Variants in LRIF1 observed in about 807,000 individuals in gnomAD.
The protein encoded by LRIF1 is ligand dependent nuclear receptor interacting factor 1.
Under a neutral mutation model 52.7 loss-of-function variants are expected in LRIF1, and 32 were observed. That is an observed-to-expected ratio of 0.61 (90% CI 0.46 to 0.82). The LOEUF (loss-of-function observed/expected upper bound fraction) is 0.82. Among genes scored for constraint, LRIF1 ranks in the 40% least tolerant of loss-of-function variants. LRIF1 has a pLI of 0.00. For missense variants in LRIF1, 887 were observed against 892.0 expected (o/e 0.99, Z 0.07); for synonymous variants, 323 against 317.4 (o/e 1.02, Z -0.19).
chr1:110,927,133 G>C, the LRIF1 span, among the ~76,000 whole-genome samples: 1 of 152,164 alleles, frequency 6.6e-6, no homozygotes, highest in Admixed American at 6.5e-5. Context: ...GTCTTTGTTT[G>C]AAAGGCGAAA....
the LRIF1 span, among the ~76,000 whole-genome samples, chr1:110,900,563 C>G: frequency 6.6e-6 from 1 of 152,004 alleles, no homozygotes; most frequent in Admixed American, 6.6e-5. Context: ...GATGGGGTTT[C>G]ACCATGTTGG....
At chr1:110,914,791 A>G in the LRIF1 span, among the ~76,000 whole-genome samples, 697 of 152,232 alleles carry the variant, frequency 4.6e-3, 10 homozygotes, top group African/African-American at 0.016. Context: ...TAATTAAAAG[A>G]TCAGATATAT....
chr1:110,887,135 C>T, the LRIF1 span, among the ~76,000 whole-genome samples: 1 of 152,018 alleles, frequency 6.6e-6, no homozygotes, highest in East Asian at 1.9e-4. Flanking sequence ...GCGATCTCGG[C>T]TCACTCCAAG....
At chr1:110,948,549 T>C in intron 3 of LRIF1, 150 bp from the exon 4 acceptor site, 1 of 1,223,220 alleles carries the variant, frequency 8.2e-7, no homozygotes, top group East Asian at 2.6e-5. Context: ...AAGAGGGAAA[T>C]ATTTCCCACT....
At chr1:110,879,174 T>C in the LRIF1 span, among the ~76,000 whole-genome samples, 1 of 152,168 alleles carries the variant, frequency 6.6e-6, no homozygotes, top group African/African-American at 2.4e-5. Flanking sequence ...GACTGGTAGG[T>C]AAGGTCTGAA....
At chr1:110,905,844 G>A in the LRIF1 span, among the ~76,000 whole-genome samples, 15 of 152,108 alleles carry the variant, frequency 9.9e-5, no homozygotes, top group South Asian at 3.1e-3. Context: ...GACATAGACA[G>A]TACAATAAGA....
chr1:110,889,028 G>A, the LRIF1 span, among the ~76,000 whole-genome samples: 1 of 152,202 alleles, frequency 6.6e-6, no homozygotes, highest in South Asian at 2.1e-4. Flanking sequence ...ATTGATTGAT[G>A]TAGCTTGTGC....
At chr1:110,926,572 C>A in the LRIF1 span, among the ~76,000 whole-genome samples, 4 of 151,902 alleles carry the variant, frequency 2.6e-5, no homozygotes, top group Admixed American at 6.6e-5. Flanking sequence ...TTGTACAAGA[C>A]CTTTTAAAGA....
chr1:110,960,123 C>T (rs1046269465), intron 1 of LRIF1, among the ~76,000 whole-genome samples: 16 of 152,088 alleles, frequency 1.1e-4, no homozygotes, highest in African/African-American at 3.6e-4. Context: ...AACTGCCATT[C>T]CCATTTTATA....
the LRIF1 span, among the ~76,000 whole-genome samples, chr1:110,918,986 A>G: frequency 6.6e-6 from 1 of 152,230 alleles, no homozygotes; most frequent in African/African-American, 2.4e-5. Flanking sequence ...CCTCCAGTTT[A>G]CACCTGAGTT....
the LRIF1 span, among the ~76,000 whole-genome samples, chr1:110,889,387 T>G: frequency 2.8e-3 from 427 of 151,614 alleles, 3 homozygotes; most frequent in African/African-American, 0.01. Flanking sequence ...AAACCCCGTC[T>G]CTACTAAAAA....
chr1:110,924,549 C>T, the LRIF1 span, among the ~76,000 whole-genome samples: 4 of 152,154 alleles, frequency 2.6e-5, no homozygotes, highest in South Asian at 2.1e-4. Flanking sequence ...CATCAGATCT[C>T]GTGAGAACTC....
At chr1:110,925,848 A>G in the LRIF1 span, among the ~76,000 whole-genome samples, 1 of 152,166 alleles carries the variant, frequency 6.6e-6, no homozygotes, top group African/African-American at 2.4e-5. Context: ...TCAATATACA[A>G]ATGTAAATTA....
At chr1:110,903,840 C>G in the LRIF1 span, among the ~76,000 whole-genome samples, 1 of 152,170 alleles carries the variant, frequency 6.6e-6, no homozygotes, top group East Asian at 1.9e-4. Context: ...TCCCTGATTC[C>G]AGGACTCAAC....
chr1:110,898,056 C>T, the LRIF1 span, among the ~76,000 whole-genome samples: 1 of 152,118 alleles, frequency 6.6e-6, no homozygotes, highest in Non-Finnish European at 1.5e-5. Flanking sequence ...TAACAATTTG[C>T]TTTAAGGTAT....
At chr1:110,880,195 G>C in the LRIF1 span, 13 of 151,958 alleles carry the variant, frequency 8.6e-5, no homozygotes, top group African/African-American at 2.4e-4. Flanking sequence ...GAGGGGTGTC[G>C]GTTCCTCTAG....
At chr1:110,930,264 A>T in the LRIF1 span, among the ~76,000 whole-genome samples, 1 of 152,080 alleles carries the variant, frequency 6.6e-6, no homozygotes, top group African/African-American at 2.4e-5. Context: ...ATGCCCCTCA[A>T]TTTGGGTTTA....
the LRIF1 span, among the ~76,000 whole-genome samples, chr1:110,913,779 T>A: frequency 6.6e-6 from 1 of 152,168 alleles, no homozygotes; most frequent in African/African-American, 2.4e-5. Context: ...GACCCAGCAA[T>A]CCTATTACTG....
chr1:110,931,511 T>G, the LRIF1 span, among the ~76,000 whole-genome samples: 13 of 152,174 alleles, frequency 8.5e-5, no homozygotes, highest in African/African-American at 3.1e-4. Context: ...GTAATGGGAT[T>G]GCTGGGTCAA....
Sources: gnomAD v4.1 joint callset for allele counts (sites outside exome capture counted in the v4.1 genomes callset) on GRCh38, gnomAD v4.1.1 for gene constraint, MANE v1.5 for transcripts, NCBI Gene and HGNC (gene_info 2026-07-23, HGNC 2026-07-21) for gene names.